Variants in HS2ST1 observed in about 807,000 individuals in gnomAD.
HS2ST1 encodes 2-O-sulfotransferase.
HS2ST1 carries 18 observed loss-of-function variants against 42.9 expected under a neutral mutation model. The observed-to-expected ratio is 0.42, with a 90% CI of 0.29 to 0.62. The LOEUF (loss-of-function observed/expected upper bound fraction) is 0.62. Among genes scored for constraint, HS2ST1 ranks in the 20% least tolerant of loss-of-function variants. The pLI is 0.21. For synonymous variants in HS2ST1, 146 were observed against 152.9 expected (o/e 0.95, Z 0.33); for missense variants, 334 against 433.8 (o/e 0.77, Z 2.04).
At chr1:87,071,748 A>G (rs1037464922) in intron 1 of HS2ST1, among the ~76,000 whole-genome samples, 1 of 149,854 alleles carries the variant, frequency 6.7e-6, no homozygotes, top group African/African-American at 2.5e-5. Flanking sequence ...AAAAAAAAAG[A>G]TGATTTGACC....
At chr1:86,949,284 T>G (rs1434610987) in intron 1 of HS2ST1, among the ~76,000 whole-genome samples, 1 of 152,136 alleles carries the variant, frequency 6.6e-6, no homozygotes, top group Non-Finnish European at 1.5e-5. Context: ...AATTTTTGTA[T>G]TTTTAGTAGA....
At chr1:87,004,166 G>A (rs995541953) in intron 1 of HS2ST1, among the ~76,000 whole-genome samples, 4 of 152,078 alleles carry the variant, frequency 2.6e-5, no homozygotes, top group Admixed American at 2.0e-4. Flanking sequence ...TGAGATGGGC[G>A]GATCACCTGA....
chr1:86,962,779 T>C (rs1393335772), intron 1 of HS2ST1, among the ~76,000 whole-genome samples: 2 of 152,096 alleles, frequency 1.3e-5, no homozygotes, highest in South Asian at 2.1e-4. Flanking sequence ...AAAGTAAATA[T>C]AGGTTATAGG....
At chr1:87,064,610 ATTTAT>A in intron 1 of HS2ST1, 1 of 485,676 alleles carries the variant, frequency 2.1e-6, no homozygotes, top group Non-Finnish European at 4.1e-6. Context: ...GCATATAGAA[ATTTAT>A]TTTGTTAGTC....
intron 1 of HS2ST1, among the ~76,000 whole-genome samples, chr1:87,021,153 TA>T (rs967283019): frequency 2.6e-5 from 4 of 152,024 alleles, no homozygotes; most frequent in Non-Finnish European, 4.4e-5. Flanking sequence ...CCATTACATA[TA>T]AAAAAAATTA....
At chr1:86,951,397 A>C (rs980201977) in intron 1 of HS2ST1, among the ~76,000 whole-genome samples, 3 of 152,260 alleles carry the variant, frequency 2.0e-5, no homozygotes, top group Admixed American at 2.0e-4. Context: ...CAAATAGTGC[A>C]ATAAAGCAAG....
intron 1 of HS2ST1, among the ~76,000 whole-genome samples, chr1:87,047,625 A>G (rs1224123895): frequency 1.3e-5 from 2 of 152,218 alleles, no homozygotes; most frequent in Non-Finnish European, 2.9e-5. Flanking sequence ...TTCCCTTAAA[A>G]AAATGGCTAT....
At chr1:86,973,719 G>A (rs1030819784) in intron 1 of HS2ST1, among the ~76,000 whole-genome samples, 2 of 152,084 alleles carry the variant, frequency 1.3e-5, no homozygotes, top group Non-Finnish European at 2.9e-5. Context: ...TTTGAAGTGA[G>A]TATATTTTAT....
intron 1 of HS2ST1, among the ~76,000 whole-genome samples, chr1:86,931,286 C>G (rs1021074782): frequency 6.6e-6 from 1 of 151,824 alleles, no homozygotes; most frequent in African/African-American, 2.4e-5. Flanking sequence ...TTGTGTAATG[C>G]GGAATGGGTA....
At chr1:86,970,833 A>G (rs1303323294) in intron 1 of HS2ST1, among the ~76,000 whole-genome samples, 1 of 152,186 alleles carries the variant, frequency 6.6e-6, no homozygotes, top group African/African-American at 2.4e-5. Flanking sequence ...AGAAATGCAA[A>G]TCTAGAGGAC....
At chr1:87,055,217 A>T (rs1413553997) in intron 1 of HS2ST1, among the ~76,000 whole-genome samples, 1 of 152,186 alleles carries the variant, frequency 6.6e-6, no homozygotes, top group African/African-American at 2.4e-5. Context: ...CCAGCTACAT[A>T]CTTGATTTCT....
intron 1 of HS2ST1, among the ~76,000 whole-genome samples, chr1:86,974,915 C>A (rs10873806): frequency 0.74 from 111,940 of 152,076 alleles, 42,201 homozygotes; most frequent in East Asian, 0.97. Context: ...TCTTTAGAAT[C>A]TTTTAAATTG....
chr1:87,009,848 C>G (rs1180764315), intron 1 of HS2ST1, among the ~76,000 whole-genome samples: 1 of 152,002 alleles, frequency 6.6e-6, no homozygotes, highest in African/African-American at 2.4e-5. Context: ...TCCTGGCTAA[C>G]ACGGTGAAAC....
chr1:87,091,172 A>G (rs1402800805), intron 3 of HS2ST1, among the ~76,000 whole-genome samples: 1 of 152,032 alleles, frequency 6.6e-6, no homozygotes, highest in Non-Finnish European at 1.5e-5. Context: ...ATAGTATTAT[A>G]TCTGGCAATA....
At chr1:87,003,665 T>G (rs893157913) in intron 1 of HS2ST1, among the ~76,000 whole-genome samples, 2 of 152,098 alleles carry the variant, frequency 1.3e-5, no homozygotes, top group Non-Finnish European at 2.9e-5. Context: ...CAATAAAAAA[T>G]ATTCAGAGAA....
chr1:87,027,043 T>C (rs1650104972), intron 1 of HS2ST1, among the ~76,000 whole-genome samples: 1 of 152,198 alleles, frequency 6.6e-6, no homozygotes, highest in Non-Finnish European at 1.5e-5. Context: ...TTTCTTCATA[T>C]TTTTAACTAC....
intron 1 of HS2ST1, among the ~76,000 whole-genome samples, chr1:87,067,974 G>A (rs1651298330): frequency 6.6e-6 from 1 of 152,150 alleles, no homozygotes; most frequent in Non-Finnish European, 1.5e-5. Flanking sequence ...GTGTAGCCTT[G>A]TAATATAGTT....
At chr1:86,918,484 A>ATATATATATG (rs1331153139) in intron 1 of HS2ST1, among the ~76,000 whole-genome samples, 1 of 151,874 alleles carries the variant, frequency 6.6e-6, no homozygotes, top group Admixed American at 6.6e-5. Context: ...GTGCGTGTGT[A>ATATATATATG]TATATACATA....
chr1:86,954,040 T>TA (rs367757359), intron 1 of HS2ST1, among the ~76,000 whole-genome samples: 2,920 of 67,122 alleles, frequency 0.044, 73 homozygotes, highest in Admixed American at 0.068. Context: ...CTGTTTTTTT[T>TA]AAAAAAAAAA....
Sources: gnomAD v4.1 joint callset for allele counts (sites outside exome capture counted in the v4.1 genomes callset) on GRCh38, gnomAD v4.1.1 for gene constraint, MANE v1.5 for transcripts, NCBI Gene and HGNC (gene_info 2026-07-23, HGNC 2026-07-21) for gene names.